The following C1orf94 variants were observed in gnomAD, a reference collection of about 807,000 sequenced individuals.
C1orf94 encodes the protein chromosome 1 open reading frame 94.
Under a neutral mutation model 53.6 loss-of-function variants are expected in C1orf94, and 45 were observed. The ratio of observed to expected loss-of-function variants is 0.84; its 90% CI spans 0.66 to 1.08. The LOEUF (loss-of-function observed/expected upper bound fraction) is 1.08. Among genes scored for constraint, C1orf94 ranks in the 50% least tolerant of loss-of-function variants. The pLI, the probability that C1orf94 is intolerant of heterozygous loss-of-function variation, is 0.00. For synonymous variants in C1orf94, 304 were observed against 296.1 expected (o/e 1.03, Z -0.27); for missense variants, 762 against 738.9 (o/e 1.03, Z -0.36).
At chr1:34,214,167 G>T (rs546727787) in intron 6 of C1orf94, among the ~76,000 whole-genome samples, 1 of 152,196 alleles carries the variant, frequency 6.6e-6, no homozygotes, top group African/African-American at 2.4e-5. Context: ...TCCCTGCAGC[G>T]GGGGAGGTTC....
chr1:34,188,876 A>G (rs900151685), intron 1 of C1orf94, among the ~76,000 whole-genome samples: 8 of 152,232 alleles, frequency 5.3e-5, no homozygotes, highest in Middle Eastern at 3.4e-3. Context: ...ACCGCAACTG[A>G]ATGAATCTGC....
At chr1:34,204,210 T>G (rs1642758059) in intron 4 of C1orf94, among the ~76,000 whole-genome samples, 1 of 152,176 alleles carries the variant, frequency 6.6e-6, no homozygotes, top group Non-Finnish European at 1.5e-5. Flanking sequence ...TATGTCCTAT[T>G]GGGAAAGGGG....
intron 2 of C1orf94, among the ~76,000 whole-genome samples, chr1:34,199,204 G>T (rs905819982): frequency 2.6e-5 from 4 of 152,224 alleles, no homozygotes; most frequent in African/African-American, 9.6e-5. Context: ...CAACAGATAG[G>T]AGTGTGTCTA....
chr1:34,214,719 G>A (rs943761728), intron 6 of C1orf94, among the ~76,000 whole-genome samples: 1 of 152,176 alleles, frequency 6.6e-6, no homozygotes, highest in Non-Finnish European at 1.5e-5. Flanking sequence ...GTCTCCACAT[G>A]TCTGCAGAGG....
chr1:34,214,570 ACT>A (rs1052336308), intron 6 of C1orf94, among the ~76,000 whole-genome samples: 1 of 151,938 alleles, frequency 6.6e-6, no homozygotes, highest in African/African-American at 2.4e-5. Flanking sequence ...CTGTGCTGTG[ACT>A]CTGGGCTCTG....
At chr1:34,213,860 A>T (rs535634664) in intron 6 of C1orf94, among the ~76,000 whole-genome samples, 211 of 151,870 alleles carry the variant, frequency 1.4e-3, no homozygotes, top group African/African-American at 5.0e-3. Flanking sequence ...TTTTAAAAAA[A>T]ATATTCCTTC....
At chr1:34,195,375 G>A (rs1290773353) in intron 1 of C1orf94, among the ~76,000 whole-genome samples, 2 of 152,126 alleles carry the variant, frequency 1.3e-5, no homozygotes, top group Non-Finnish European at 2.9e-5. Context: ...TCCAGGGTCC[G>A]ACATGAAAAG....
At chr1:34,174,097 T>C (rs1187699180), upstream of C1orf94, among the ~76,000 whole-genome samples, 1 of 152,260 alleles carries the variant, frequency 6.6e-6, no homozygotes, top group Non-Finnish European at 1.5e-5. Flanking sequence ...TCTTTCACAA[T>C]TTTGACCCAT....
chr1:34,198,209 C>G (rs779803141), intron 2 of C1orf94, among the ~76,000 whole-genome samples: 27 of 152,164 alleles, frequency 1.8e-4, no homozygotes, highest in Non-Finnish European at 3.5e-4. Flanking sequence ...TGGAATCAAA[C>G]GGGTGTCCAG....
chr1:34,212,690 G>A (rs944531850), intron 6 of C1orf94, among the ~76,000 whole-genome samples: 1 of 152,160 alleles, frequency 6.6e-6, no homozygotes, highest in African/African-American at 2.4e-5. Flanking sequence ...TACTCCATAG[G>A]CAGGGGCAGT....
At chr1:34,190,593 C>A (rs1642465993) in intron 1 of C1orf94, among the ~76,000 whole-genome samples, 1 of 152,216 alleles carries the variant, frequency 6.6e-6, no homozygotes, top group African/African-American at 2.4e-5. Flanking sequence ...AAAGAAGCCT[C>A]TTCTGCTCTC....
intron 2 of C1orf94, among the ~76,000 whole-genome samples, chr1:34,199,885 C>T (rs1438580479): frequency 2.6e-5 from 4 of 152,222 alleles, no homozygotes; most frequent in African/African-American, 2.4e-5. Flanking sequence ...CTCCCCAATA[C>T]CCCTGGATGT....
chr1:34,186,886 CT>C (rs1217224616), intron 1 of C1orf94, among the ~76,000 whole-genome samples: 5 of 152,202 alleles, frequency 3.3e-5, no homozygotes, highest in African/African-American at 9.7e-5. Context: ...TCTTACTCAT[CT>C]TTGTCTCCCC....
At position 34,197,764 on chromosome 1, in the gene C1orf94, G is replaced by T. The variant is rs1419195973; in HGVS notation, c.860G>T (p.Ser287Ile). Reference sequence around the variant, plus strand: ...GGACCCAAGGAGCCCACAGGGCTGAGCCCATTTCTGCTGCTGCCTCCCCGA... The same window carrying T: ...GGACCCAAGGAGCCCACAGGGCTGATCCCATTTCTGCTGCTGCCTCCCCGA... ...GPGPKEPTGL[S>I]PFLLLPPRPP... Residue 287 changes from serine (S) to isoleucine (I), a missense_variant, in exon 2 of 7, where the codon AGC (serine) becomes ATC (isoleucine). By Grantham distance (142) the Ser-to-Ile change is moderately radical. Transcript: ENST00000488417. The surrounding 1 kb of genome is among the most constrained non-coding windows in gnomAD (Gnocchi z 4.1). 5.6e-6 allele frequency: 9 copies of T among 1,614,082 alleles called. No homozygotes were observed. The highest frequency in any genetic ancestry group is 1.7e-5 in the Admixed American group (1 of 60,012).
At chr1:34,211,182 T>C (rs74063924) in intron 5 of C1orf94, among the ~76,000 whole-genome samples, 2,647 of 152,206 alleles carry the variant, frequency 0.017, 76 homozygotes, top group African/African-American at 0.06. Flanking sequence ...GTAGTGCTCA[T>C]TAGGTAACGA....
chr1:34,195,798 G>C lies in C1orf94; in HGVS notation c.321-1427G>C, dbSNP rs1642569736. Among the ~76,000 whole-genome samples, 4 of 152,036 alleles carry C rather than the reference G, an allele frequency of 2.6e-5. No homozygotes were observed. The South Asian group carries it at 8.3e-4, about 32-fold the overall frequency. ...TTCGTGGGTGTGTGTGTGTGTGTGT[G>C]TGTGTGTGTGTGCGTTTGTACACAA... On this transcript the variant is annotated intron_variant, in intron 1 of 6. Coordinates refer to ENST00000488417, the MANE Select transcript of C1orf94 (RefSeq NM_001134734.2).
intron 1 of C1orf94, among the ~76,000 whole-genome samples, chr1:34,190,900 TAC>T (rs1340542444): frequency 6.6e-6 from 1 of 152,236 alleles, no homozygotes; most frequent in Non-Finnish European, 1.5e-5. Flanking sequence ...CTCTCATTTC[TAC>T]AGTTTGGCAA....
chr1:34,183,175 G>A (rs1167776996), intron 1 of C1orf94, among the ~76,000 whole-genome samples: 2 of 152,204 alleles, frequency 1.3e-5, no homozygotes, highest in African/African-American at 2.4e-5. Flanking sequence ...GGGTTTTGGG[G>A]GAGAAATCAA....
At chr1:34,217,804 T>C (rs1323845812) in intron 6 of C1orf94, among the ~76,000 whole-genome samples, 2 of 152,218 alleles carry the variant, frequency 1.3e-5, no homozygotes, top group Non-Finnish European at 2.9e-5. Context: ...ATCTCTTCTA[T>C]AATATGCATC....
Sources: allele counts gnomAD v4.1 joint callset (sites outside exome capture counted in the v4.1 genomes callset), GRCh38; gene constraint gnomAD v4.1.1; non-coding constraint Gnocchi (gnomAD v3.1); transcripts MANE v1.5; gene names NCBI Gene and HGNC (gene_info 2026-07-23, HGNC 2026-07-21).